The following PCDHGA6 variants were observed in gnomAD, a reference collection of about 807,000 sequenced individuals.
PCDHGA6 encodes the protein protocadherin gamma-A6.
PCDHGA6 carries 41 observed loss-of-function variants against 60.6 expected under a neutral mutation model. The ratio of observed to expected loss-of-function variants is 0.68; its 90% CI spans 0.53 to 0.88. The LOEUF (loss-of-function observed/expected upper bound fraction) is 0.88. Ranked by LOEUF, PCDHGA6 falls within the 40% of genes least tolerant of loss-of-function variation. PCDHGA6 has a pLI of 0.00. For missense variants in PCDHGA6, 1,312 were observed against 1,203.0 expected (o/e 1.09, Z -1.34); for synonymous variants, 594 against 524.4 (o/e 1.13, Z -1.81).
At chr5:141,506,092 G>A (rs1595997534) in intron 3 of PCDHGA6, among the ~76,000 whole-genome samples, 1 of 152,142 alleles carries the variant, frequency 6.6e-6, no homozygotes, top group Admixed American at 6.6e-5. Flanking sequence ...TTCGGCTAGT[G>A]GTGGTTGTCC....
chr5:141,505,334 G>T, intron 2 of PCDHGA6, 59 bp from the exon 3 acceptor site: 1 of 1,611,326 alleles, frequency 6.2e-7, no homozygotes, highest in Non-Finnish European at 8.5e-7. Context: ...GAGAGGACAG[G>T]AGGGGCATGA....
At chr5:141,409,988 G>GC (rs1561724887) in intron 1 of PCDHGA6, 1 of 1,613,278 alleles carries the variant, frequency 6.2e-7, no homozygotes, top group Non-Finnish European at 8.5e-7. Flanking sequence ...AGCGGTGGAC[G>GC]CCGACTCGGG....
chr5:141,451,112 G>A (rs776356458), intron 1 of PCDHGA6, among the ~76,000 whole-genome samples: 9 of 152,236 alleles, frequency 5.9e-5, no homozygotes, highest in Admixed American at 1.3e-4. Flanking sequence ...ACAGGCGTGA[G>A]CCACCACACC....
intron 1 of PCDHGA6, among the ~76,000 whole-genome samples, chr5:141,484,740 G>GA (rs1047805396): frequency 2.0e-5 from 3 of 150,646 alleles, no homozygotes; most frequent in Admixed American, 1.3e-4. Context: ...GGTGTGTTAG[G>GA]AAAAAAAATG....
intron 1 of PCDHGA6, chr5:141,393,048 C>A (rs745354934): frequency 3.7e-6 from 6 of 1,613,672 alleles, no homozygotes; most frequent in Non-Finnish European, 5.1e-6. Flanking sequence ...TGCTCTGAAC[C>A]CGCGCAGCGG....
intron 1 of PCDHGA6, 71 bp downstream of exon 1, chr5:141,376,578 A>C: frequency 6.3e-6 from 10 of 1,590,844 alleles, no homozygotes; most frequent in Non-Finnish European, 8.6e-6. Flanking sequence ...AGACAGGCTC[A>C]TCAGCTAGAT....
chr5:141,477,634 G>C lies in PCDHGA6; in HGVS notation c.2425-17173G>C. 2 of 1,614,176 alleles carry C rather than the reference G, an allele frequency of 1.2e-6. No individual in the cohort carries two copies. Among genetic ancestry groups the C allele is most frequent in the Non-Finnish European group, 1.7e-6 (2 of 1,180,034 alleles). On this transcript the variant is annotated intron_variant, in intron 1 of 3. Transcript: ENST00000517434. This position sits in a 1 kb window ranked among gnomAD's most constrained non-coding sequence, Gnocchi z 4.9. Reference sequence around the variant, plus strand: ...AGCAAGGAGCTGAAACCGGGCTAGTGGGTCGCTATTTCACAATAAATCGTG... The same window carrying C: ...AGCAAGGAGCTGAAACCGGGCTAGTCGGTCGCTATTTCACAATAAATCGTG...
intron 1 of PCDHGA6, chr5:141,419,005 C>G: frequency 6.2e-7 from 1 of 1,613,944 alleles, no homozygotes; most frequent in Non-Finnish European, 8.5e-7. Context: ...ATGGGGAAGT[C>G]AGGTGTAGCT....
chr5:141,508,826 C>T (rs2099872187), intron 3 of PCDHGA6, among the ~76,000 whole-genome samples: 1 of 152,092 alleles, frequency 6.6e-6, no homozygotes, highest in South Asian at 2.1e-4. Context: ...AGATCTGGGC[C>T]CCCCTCCCCT....
intron 1 of PCDHGA6, among the ~76,000 whole-genome samples, chr5:141,482,458 C>G (rs986628162): frequency 1.4e-5 from 2 of 147,624 alleles, no homozygotes; most frequent in African/African-American, 2.6e-5. Flanking sequence ...ATTAGCATCC[C>G]TATGTGCCAG....
Position 141,375,043 on chromosome 5 carries a change from A to G in PCDHGA6, c.960A>G (p.Glu320=). 1 of 1,614,056 alleles carries G rather than the reference A, an allele frequency of 6.2e-7. No individual in the cohort carries two copies. Among genetic ancestry groups the G allele is most frequent in the Non-Finnish European group, 8.5e-7 (1 of 1,179,912 alleles). Residue 320 remains glutamate (E), a synonymous_variant, in exon 1 of 4, where the codon GAA becomes GAG. Coordinates refer to ENST00000517434, the MANE Select transcript of PCDHGA6 (RefSeq NM_018919.3). ...EDSSFYELGV[E]ARDGPGLRDR... is the part of the protein sequence containing the mutation. The stretch of plus-strand genomic sequence containing the variant: ...CGAGTTTTTATGAGCTGGGTGTTGA[A>G]GCCCGGGATGGGCCAGGTCTTCGAG...
rs765614006 is a variant in PCDHGA6 at position 141,375,174 on chromosome 5, C to A, written c.1091C>A (p.Thr364Lys). The change falls in exon 1 of 4, where the codon ACA becomes AAA. Residue 364 changes from threonine (T) to lysine (K), a missense_variant. Transcript: ENST00000517434. ...ATTGCTGAAAGTGCACCTCCAGGAACAGTAATCGCCCTTTTTCAAGTGTTC... is the reference window on the plus strand; with the variant it reads ...ATTGCTGAAAGTGCACCTCCAGGAAAAGTAATCGCCCTTTTTCAAGTGTTC... ...RTIAESAPPG[T>K]VIALFQVFDR... 3 of 1,614,006 alleles carry A rather than the reference C, an allele frequency of 1.9e-6. No homozygotes were observed. Among genetic ancestry groups the A allele is most frequent in the Non-Finnish European group, 2.5e-6 (3 of 1,179,910 alleles).
chr5:141,421,220 A>G (rs1178268746), intron 1 of PCDHGA6: 2 of 1,575,620 alleles, frequency 1.3e-6, no homozygotes, highest in Non-Finnish European at 1.7e-6. Flanking sequence ...ATCGGCTTAG[A>G]GCCTGCCATG....
In PCDHGA6 at chr5:141,489,053, G is replaced by C; in HGVS notation, c.2425-5754G>C. 1 of 473,650 alleles carries C rather than the reference G, an allele frequency of 2.1e-6. No homozygotes were observed. Among genetic ancestry groups the C allele is most frequent in the Non-Finnish European group, 3.7e-6 (1 of 270,732 alleles). The allele number at this position is 473,650 out of a possible 1,614,324, so 29.3% of individuals were successfully genotyped here. A position where few individuals can be genotyped will look rare whatever the true frequency, so the allele number is the denominator to read the frequency against. On this transcript the variant is annotated intron_variant, in intron 1 of 3. Transcript: ENST00000517434. The surrounding 1 kb of genome is among the most constrained non-coding windows in gnomAD (Gnocchi z 4.5). ...AGCTCCCCAGCTCCACTCAAATTCA[G>C]CTCCCCTCCCCCCTGCCCACCCCCG...
chr5:141,389,602 T>G, intron 1 of PCDHGA6: 2 of 1,613,170 alleles, frequency 1.2e-6, no homozygotes, highest in African/African-American at 2.7e-5. Flanking sequence ...TCTGCGCTCT[T>G]CGATATGGTG....
In PCDHGA6 at chr5:141,376,241, C is replaced by T. The variant is rs755837851; in HGVS notation, c.2158C>T (p.His720Tyr). ...VLLALRLQRW[H>Y]KSRLLQASGG... ...GCTGGCGCTCAGACTGCAGCGCTGG[C>T]ACAAGTCACGCCTGCTGCAGGCTTC... The change falls in exon 1 of 4, where the codon CAC becomes TAC. Residue 720 changes from histidine to tyrosine, a missense_variant. His to Tyr is a moderately conservative substitution (Grantham distance 83, BLOSUM62 2). Coordinates refer to ENST00000517434, the MANE Select transcript of PCDHGA6 (RefSeq NM_018919.3). 6.2e-7 allele frequency: 1 copy of T among 1,614,118 alleles called. No homozygotes were observed. The highest frequency in any genetic ancestry group is 2.2e-5 in the East Asian group (1 of 44,894).
At chr5:141,383,622 C>G (rs780650375) in intron 1 of PCDHGA6, 19 of 1,613,798 alleles carry the variant, frequency 1.2e-5, no homozygotes, top group Admixed American at 3.3e-5. Flanking sequence ...ACACGCCTGT[C>G]TTCTCTCTGC....
chr5:141,403,204 G>A, intron 1 of PCDHGA6: 4 of 1,613,952 alleles, frequency 2.5e-6, no homozygotes, highest in Non-Finnish European at 3.4e-6. Flanking sequence ...GCGGCACCTT[G>A]GTCACCGCGG....
rs191916514 is a variant in PCDHGA6, at chr5:141,456,716, G to A, written c.2425-38091G>A. 3.9e-3 allele frequency among the ~76,000 whole-genome samples: 589 copies of A among 152,314 alleles called. 5 individuals carry two copies. Among genetic ancestry groups the A allele is most frequent in the Admixed American group, 0.011 (169 of 15,300 alleles). On this transcript the variant is annotated intron_variant, in intron 1 of 3. Transcript: ENST00000517434. ...GTGGTGGCTCGCGCCTGTAATCCCA[G>A]CACTTTGGGAGGCTGAGGCGGGAGC...
Sources: gnomAD v4.1 joint callset for allele counts (sites outside exome capture counted in the v4.1 genomes callset) on GRCh38, gnomAD v4.1.1 for gene constraint, Gnocchi (gnomAD v3.1) non-coding constraint, MANE v1.5 for transcripts, NCBI Gene and HGNC (gene_info 2026-07-23, HGNC 2026-07-21) for gene names.